SEC22C: variants seen among roughly 807,000 people sequenced by gnomAD.
The protein encoded by SEC22C is SEC22 homolog C, vesicle trafficking protein.
SEC22C carries 29 observed loss-of-function variants against 34.7 expected under a neutral mutation model. The ratio of observed to expected loss-of-function variants is 0.84; its 90% CI spans 0.62 to 1.14. The LOEUF (loss-of-function observed/expected upper bound fraction) is 1.14. SEC22C is among the 50% of genes most tolerant of loss of function. The pLI, the probability that SEC22C is intolerant of heterozygous loss-of-function variation, is 0.00. For synonymous variants in SEC22C, 117 were observed against 132.8 expected, an observed-to-expected ratio of 0.88 and a Z score of 0.82; for missense variants, 337 against 369.0, an observed-to-expected ratio of 0.91 and a Z score of 0.71.
At chr3:42,598,831 T>C (rs1050015409) in intron 1 of SEC22C, among the ~76,000 whole-genome samples, 3 of 151,094 alleles carry the variant, frequency 2.0e-5, no homozygotes, top group Non-Finnish European at 3.0e-5. Flanking sequence ...CTGAGGGTTG[T>C]ACAACCGTGT....
chr3:42,565,326 G>T, intron 2 of SEC22C, among the ~76,000 whole-genome samples: 1 of 152,082 alleles, frequency 6.6e-6, no homozygotes, highest in African/African-American at 2.4e-5. Context: ...TTTTGAAACT[G>T]TAACTCCCTA....
intron 2 of SEC22C, chr3:42,566,754 A>T: frequency 3.0e-6 from 1 of 337,284 alleles, no homozygotes. Flanking sequence ...CTATAATCCC[A>T]GGGCTTTGGA....
chr3:42,591,325 A>G, intron 1 of SEC22C: 2 of 594,068 alleles, frequency 3.4e-6, no homozygotes, highest in African/African-American at 3.8e-5. Context: ...CAGCCTCCTG[A>G]GTAGCTGGGA....
At position 42,561,310 on chromosome 3, in the gene SEC22C, G is replaced by C. The variant is rs775498366; in HGVS notation, c.347-14C>G. 7 of 1,612,840 alleles carry C rather than the reference G, an allele frequency of 4.3e-6. No homozygotes were observed. In the Admixed American group the frequency reaches 1.0e-4, roughly 23 times the overall value. ...GAATGATGCTGTCTGCAAAAAGAGA[G>C]CAACACAAGTTAAGCATTTTCATCA... On this transcript the variant is annotated splice_polypyrimidine_tract_variant and intron_variant, in intron 3 of 6. Coordinates refer to ENST00000264454, the MANE Select transcript of SEC22C (RefSeq NM_032970.4).
chr3:42,563,918 T>C lies in SEC22C; in HGVS notation c.183-232A>G, dbSNP rs774802508. Reference sequence around the variant, plus strand: ...ATCAATGACAGCCTGTGATCACTCTTATTTATTCATGCATGAGGGATGCAT... The same window carrying C: ...ATCAATGACAGCCTGTGATCACTCTCATTTATTCATGCATGAGGGATGCAT... On this transcript the variant is annotated intron_variant, in intron 2 of 6. Coordinates refer to ENST00000264454, the MANE Select transcript of SEC22C (RefSeq NM_032970.4). 7.1e-6 allele frequency: 10 copies of C among 1,408,138 alleles called. No individual in the cohort carries two copies. In the South Asian group the frequency reaches 1.2e-4, roughly 17 times the overall value. The allele number at this position is 1,408,138 out of a possible 1,614,324, so 87.2% of individuals were successfully genotyped here.
At chr3:42,577,117 T>A (rs1430833950) in intron 1 of SEC22C, among the ~76,000 whole-genome samples, 1 of 152,094 alleles carries the variant, frequency 6.6e-6, no homozygotes, top group African/African-American at 2.4e-5. Context: ...ACTAAAAATT[T>A]ATCATAGATA....
rs1225265832 is a variant in SEC22C, at chr3:42,568,868, A to G, written c.179T>C (p.Ile60Thr). The G allele has an allele frequency of 5.0e-6, 8 of 1,614,088 alleles. No homozygotes were observed. The highest frequency in any genetic ancestry group is 6.8e-6 in the Non-Finnish European group (8 of 1,179,932). The change falls in exon 2 of 7, where the codon ATA (isoleucine) becomes ACA (threonine). Residue 60 changes from isoleucine (I) to threonine (T), a missense_variant. Ile to Thr is a moderately conservative substitution (Grantham distance 89). Coordinates refer to ENST00000264454, the MANE Select transcript of SEC22C (RefSeq NM_032970.4). ...RGSAEGCDFS[I>T]HFSSFGDVAC... ...AAAAGTGAATATGATCACTTACTGT[A>G]TACTAAAGTCACAACCTTCTGCAGA...
At chr3:42,585,177 T>G (rs1704570802), upstream of SEC22C, among the ~76,000 whole-genome samples, 4 of 152,128 alleles carry the variant, frequency 2.6e-5, no homozygotes, top group South Asian at 8.3e-4. Flanking sequence ...TATGGGGAAT[T>G]GGGCTCTCAA....
At chr3:42,589,573 C>T (rs1167926864) in intron 1 of SEC22C, among the ~76,000 whole-genome samples, 1 of 152,218 alleles carries the variant, frequency 6.6e-6, no homozygotes, top group Non-Finnish European at 1.5e-5. Context: ...ATAAGCATTA[C>T]CGCCGAGCAT....
chr3:42,560,937 G>T lies in SEC22C; in HGVS notation c.526+180C>A, dbSNP rs74282541. Among the ~76,000 whole-genome samples, 52 of 151,880 alleles carry T rather than the reference G, an allele frequency of 3.4e-4. No homozygotes were observed. The East Asian group carries it at 8.7e-3, about 25-fold the overall frequency. On this transcript the variant is annotated intron_variant, in intron 4 of 6. Coordinates refer to ENST00000264454, the MANE Select transcript of SEC22C (RefSeq NM_032970.4). ...TTACAGGCATGAGCCTCCACGCCTG[G>T]CCTGTAGTCAAAGTTTTTATAACAG...
intron 1 of SEC22C, chr3:42,600,942 C>T: frequency 7.7e-7 from 1 of 1,295,402 alleles, no homozygotes; most frequent in Non-Finnish European, 1.0e-6. Context: ...TCGCCCCCGC[C>T]CTCGCCCCTG....
At position 42,553,019 on chromosome 3, in the gene SEC22C, G is replaced by A. The variant is rs931552547; in HGVS notation, c.*229C>T. On this transcript the variant is annotated 3_prime_UTR_variant, in exon 7 of 7. Coordinates refer to ENST00000264454, the MANE Select transcript of SEC22C (RefSeq NM_032970.4). ...CCAGATCCAGCTGTCCTAGGTAAAC[G>A]TGCTGAACTGGCTGGAGATCCTGCA... The A allele has an allele frequency of 1.1e-5, 15 of 1,372,390 alleles. No homozygotes were observed. The highest frequency in any genetic ancestry group is 2.7e-4 in the Middle Eastern group (1 of 3,652). 85.0% of individuals were successfully genotyped at this position (1,372,390 alleles called of 1,614,324 possible).
At chr3:42,578,652 G>C (rs1251128418) in intron 1 of SEC22C, among the ~76,000 whole-genome samples, 2 of 151,420 alleles carry the variant, frequency 1.3e-5, no homozygotes, top group Admixed American at 6.6e-5. Flanking sequence ...CTAGGTGAAG[G>C]GTACATGAGA....
chr3:42,598,585 T>C (rs1705110748), intron 1 of SEC22C, among the ~76,000 whole-genome samples: 1 of 151,976 alleles, frequency 6.6e-6, no homozygotes, highest in Non-Finnish European at 1.5e-5. Flanking sequence ...CGCCTCAGCC[T>C]CCCAGAGTGC....
chr3:42,592,658 T>C (rs1414952977), intron 1 of SEC22C, among the ~76,000 whole-genome samples: 1 of 152,258 alleles, frequency 6.6e-6, no homozygotes, highest in Non-Finnish European at 1.5e-5. Flanking sequence ...CATCTGACTC[T>C]GGCATTTGGT....
chr3:42,588,627 A>G (rs1308125125), intron 1 of SEC22C, among the ~76,000 whole-genome samples: 1 of 152,026 alleles, frequency 6.6e-6, no homozygotes, highest in Non-Finnish European at 1.5e-5. Flanking sequence ...CAAGTCACTT[A>G]AACTTTATGA....
chr3:42,576,109 C>T (rs1703942988), intron 1 of SEC22C, among the ~76,000 whole-genome samples: 1 of 151,566 alleles, frequency 6.6e-6, no homozygotes, highest in Admixed American at 6.6e-5. Context: ...TTAAAACAAT[C>T]CGTAAGTTAA....
rs933337791 is a variant in SEC22C at position 42,550,075 on chromosome 3, A to T, written c.*3173T>A. The T allele has an allele frequency of 2.0e-6, 2 of 985,468 alleles. No homozygotes were observed. Among genetic ancestry groups the T allele is most frequent in the Non-Finnish European group, 2.4e-6 (2 of 829,948 alleles). The allele number at this position is 985,468 out of a possible 1,614,324, so 61.0% of individuals were successfully genotyped here. ...ATTTACATGTTTCGTTCATTAGCAT[A>T]TTAGGGAAGGGGAAACCTTTTGGGC... On this transcript the variant is annotated 3_prime_UTR_variant, in exon 7 of 7. Coordinates refer to ENST00000264454, the MANE Select transcript of SEC22C (RefSeq NM_032970.4).
intron 1 of SEC22C, among the ~76,000 whole-genome samples, chr3:42,592,705 C>T (rs1704891160): frequency 6.6e-6 from 1 of 152,188 alleles, no homozygotes; most frequent in African/African-American, 2.4e-5. Flanking sequence ...AATACCTTCT[C>T]CTTTTTCTAT....
Sources: allele counts gnomAD v4.1 joint callset (sites outside exome capture counted in the v4.1 genomes callset), GRCh38; gene constraint gnomAD v4.1.1; transcripts MANE v1.5; gene names NCBI Gene and HGNC (gene_info 2026-07-23, HGNC 2026-07-21).